The following KCNMA1 variants were observed in gnomAD, a reference collection of about 807,000 sequenced individuals.
The protein encoded by KCNMA1 is Calcium-activated potassium channel subunit alpha-1.
In KCNMA1, 29 loss-of-function variants were observed where a neutral mutation model predicts 140.0. The observed-to-expected ratio is 0.21, with a 90% confidence interval of 0.15 to 0.28. The LOEUF (loss-of-function observed/expected upper bound fraction) is 0.28. Among genes scored for constraint, KCNMA1 ranks in the 10% least tolerant of loss-of-function variants. KCNMA1 has a pLI of 1.00. For missense variants in KCNMA1, 880 were observed against 1,602.2 expected, an observed-to-expected ratio of 0.55 and a Z score of 7.70; for synonymous variants, 612 against 611.9, an observed-to-expected ratio of 1.00 and a Z score of 0.00.
rs577569819 is a variant in KCNMA1 at position 77,416,885 on chromosome 10, T to C, written c.379-12862A>G. Among the ~76,000 whole-genome samples, 9 of 152,354 alleles carry C rather than the reference T, an allele frequency of 5.9e-5. No individual in the cohort carries two copies. In the South Asian group the frequency reaches 1.5e-3, roughly 25 times the overall value. ...GTTTTCACTCTTCGCTCATATCTTC[T>C]GGAATCTCAAAAATCCTGCCAAGTC... On this transcript the variant is annotated intron_variant, in intron 1 of 27. Transcript: ENST00000286628.
chr10:77,297,075 C>T (rs950927740), intron 2 of KCNMA1, among the ~76,000 whole-genome samples: 1 of 152,218 alleles, frequency 6.6e-6, no homozygotes, highest in East Asian at 1.9e-4. Flanking sequence ...GAAGCTGAGA[C>T]CACCCCCGTA....
chr10:76,901,909 CGGATGCAG>C, intron 25 of KCNMA1: 1 of 152,208 alleles, frequency 6.6e-6, no homozygotes, highest in Non-Finnish European at 1.5e-5. Flanking sequence ...CCCCAATATT[CGGATGCAG>C]AAAAGGACTC....
intron 24 of KCNMA1, chr10:76,914,198 A>G (rs1442795862): frequency 4.1e-6 from 5 of 1,226,012 alleles, no homozygotes; most frequent in South Asian, 3.9e-5. Flanking sequence ...CAGAAAAAGA[A>G]GAGAGTGAGG....
intron 19 of KCNMA1, among the ~76,000 whole-genome samples, chr10:76,997,350 CAATT>C (rs1187687385): frequency 6.6e-6 from 1 of 152,226 alleles, no homozygotes; most frequent in East Asian, 1.9e-4. Context: ...CAGGTTTAAA[CAATT>C]AGTAAATTGA....
intron 2 of KCNMA1, among the ~76,000 whole-genome samples, chr10:77,391,697 T>C (rs2095832428): frequency 6.6e-6 from 1 of 152,022 alleles, no homozygotes; most frequent in Non-Finnish European, 1.5e-5. Context: ...AATGAGGCTT[T>C]TAGTGCACCA....
chr10:76,873,442 C>CT (rs2031763963), downstream of KCNMA1: 2 of 152,246 alleles, frequency 1.3e-5, no homozygotes, highest in Admixed American at 1.3e-4. Flanking sequence ...AAAAAATTGC[C>CT]TTTTGGGAAT....
At chr10:77,520,264 GAGGTC>G (rs2052815690) in intron 1 of KCNMA1, among the ~76,000 whole-genome samples, 1 of 151,208 alleles carries the variant, frequency 6.6e-6, no homozygotes, top group African/African-American at 2.4e-5. Context: ...TGTGCAGTGT[GAGGTC>G]TGGGATATGT....
chr10:77,097,221 C>CT (rs1310556364), intron 9 of KCNMA1, among the ~76,000 whole-genome samples: 1 of 152,160 alleles, frequency 6.6e-6, no homozygotes, highest in African/African-American at 2.4e-5. Flanking sequence ...TTTCCCAGCG[C>CT]TTCCCTTGAG....
intron 19 of KCNMA1, among the ~76,000 whole-genome samples, chr10:76,977,312 A>G (rs1268039649): frequency 2.0e-5 from 3 of 152,186 alleles, no homozygotes; most frequent in Non-Finnish European, 4.4e-5. Flanking sequence ...ATGAGCTAAG[A>G]GTGTGTTTAC....
chr10:77,572,373 C>T (rs979730509), intron 1 of KCNMA1, among the ~76,000 whole-genome samples: 3 of 151,170 alleles, frequency 2.0e-5, no homozygotes, highest in Non-Finnish European at 2.9e-5. Context: ...CATTTTATAA[C>T]CAGTAATGGC....
intron 1 of KCNMA1, among the ~76,000 whole-genome samples, chr10:77,616,287 C>T (rs12770151): frequency 0.25 from 38,178 of 152,092 alleles, 5,100 homozygotes; most frequent in Middle Eastern, 0.4. Flanking sequence ...TGGAGACTTA[C>T]CAGAAACAGA....
chr10:76,977,673 G>C lies in KCNMA1; in HGVS notation c.2267-7606C>G, dbSNP rs952027325. The C allele has an allele frequency of 8.5e-6, 6 of 702,602 alleles. No individual in the cohort carries two copies. The Admixed American group carries it at 1.0e-4, about 12-fold the overall frequency. The allele number at this position is 702,602 out of a possible 1,614,324, so 43.5% of individuals were successfully genotyped here. Reference sequence around the variant, plus strand: ...CAGCCAAATAACAAAAGAAATACCCGTGGAGCCCACCTGAAGTGCACAGAT... The same window carrying C: ...CAGCCAAATAACAAAAGAAATACCCCTGGAGCCCACCTGAAGTGCACAGAT... On this transcript the variant is annotated intron_variant, in intron 19 of 27. Coordinates refer to ENST00000286628, the MANE Select transcript of KCNMA1 (RefSeq NM_001161352.2).
chr10:77,078,908 C>A (rs1201461674), intron 13 of KCNMA1, among the ~76,000 whole-genome samples: 2 of 152,216 alleles, frequency 1.3e-5, no homozygotes, highest in Non-Finnish European at 2.9e-5. Flanking sequence ...ATAGACACTT[C>A]CCGAATGAAT....
Position 77,523,467 on chromosome 10 carries a change from A to G in KCNMA1, c.378+113798T>C, listed in dbSNP as rs138811592. On this transcript the variant is annotated intron_variant, in intron 1 of 27. Transcript: ENST00000286628. Reference sequence around the variant, plus strand: ...AAAACATAGGGAATGCAAGCCTGGTAACCTCTACCTGGGAGAGAAATTTGC... The same window carrying G: ...AAAACATAGGGAATGCAAGCCTGGTGACCTCTACCTGGGAGAGAAATTTGC... 4.5e-4 allele frequency among the ~76,000 whole-genome samples: 69 copies of G among 152,362 alleles called. No individual in the cohort carries two copies. The East Asian group carries it at 0.013, about 29-fold the overall frequency.
In KCNMA1 at chr10:77,029,101, A is replaced by T. The variant is rs191958204; in HGVS notation, c.1860-1210T>A. ...AAATAGAACAAATATATAAAAATAC[A>T]TGAATATGTAAATGGCACAATACAG... is the stretch of plus-strand genomic sequence containing the variant. On this transcript the variant is annotated intron_variant, in intron 15 of 27. Transcript: ENST00000286628. 1.8e-3 allele frequency among the ~76,000 whole-genome samples: 278 copies of T among 152,356 alleles called. 3 individuals are homozygous for T. Among genetic ancestry groups the T allele is most frequent in the Non-Finnish European group, 3.1e-4 (21 of 68,030 alleles).
At chr10:77,039,502 A>G (rs2094529233) in intron 15 of KCNMA1, 26 bp downstream of exon 15, 1 of 1,333,320 alleles carries the variant, frequency 7.5e-7, no homozygotes, top group African/African-American at 1.4e-5. Context: ...TGAAAGCCAA[A>G]GAGCATCCAG....
chr10:77,386,091 C>T (rs2095593814), intron 2 of KCNMA1, among the ~76,000 whole-genome samples: 1 of 152,212 alleles, frequency 6.6e-6, no homozygotes, highest in African/African-American at 2.4e-5. Context: ...ACTCACTGGG[C>T]ACTTTCGTGG....
intron 2 of KCNMA1, among the ~76,000 whole-genome samples, chr10:77,343,441 C>G (rs140566710): frequency 0.011 from 1,726 of 152,238 alleles, 30 homozygotes; most frequent in African/African-American, 0.04. Context: ...CCTAACCATA[C>G]TCCCTACTGC....
chr10:77,207,461 A>T (rs2044516623), intron 3 of KCNMA1, among the ~76,000 whole-genome samples: 1 of 152,176 alleles, frequency 6.6e-6, no homozygotes, highest in African/African-American at 2.4e-5. Flanking sequence ...AGTGCTACTA[A>T]GTAGAATAAT....
Sources: allele counts gnomAD v4.1 joint callset (sites outside exome capture counted in the v4.1 genomes callset), GRCh38; gene constraint gnomAD v4.1.1; transcripts MANE v1.5; gene names NCBI Gene and HGNC (gene_info 2026-07-23, HGNC 2026-07-21).